The following TMEM106A variants were observed in gnomAD, a reference collection of about 807,000 sequenced individuals.
TMEM106A encodes the protein transmembrane protein 106A.
TMEM106A carries 22 observed loss-of-function variants against 25.1 expected under a neutral mutation model. The ratio of observed to expected loss-of-function variants is 0.88; its 90% confidence interval spans 0.63 to 1.25. TMEM106A has a LOEUF of 1.25. TMEM106A is among the 50% of genes most tolerant of loss of function. The probability of loss-of-function intolerance (pLI) is 0.00; values close to 1 mark genes in which losing one functional copy is unlikely to be tolerated. For synonymous variants in TMEM106A, 104 were observed against 129.9 expected, an observed-to-expected ratio of 0.80 and a Z score of 1.35; for missense variants, 275 against 318.1, an observed-to-expected ratio of 0.86 and a Z score of 1.03.
intron 5 of TMEM106A, 48 bp downstream of exon 5, chr17:43,215,989 G>T (rs150513793): frequency 5.0e-6 from 8 of 1,609,744 alleles, no homozygotes; most frequent in Non-Finnish European, 6.8e-6. Context: ...GCAATACTTC[G>T]CTGTAACCTT....
Position 43,213,896 on chromosome 17 carries a change from G to A in TMEM106A, c.275+5G>A, listed in dbSNP as rs1485705129. 1 of 1,614,086 alleles carries A rather than the reference G, an allele frequency of 6.2e-7. No individual in the cohort carries two copies. Among genetic ancestry groups the A allele is most frequent in the Non-Finnish European group, 8.5e-7 (1 of 1,179,962 alleles). On this transcript the variant is annotated splice_donor_5th_base_variant and intron_variant, in intron 4 of 8. Transcript: ENST00000612339. ...GAGGCTGAAGCCCAAGCACACGTAA[G>A]CCCCCCTTCCTCCCCTAGCTTCACA...
rs147809934 is a variant in TMEM106A at position 43,216,302 on chromosome 17, C to G, written c.430-147C>G. ...TGACCCCTCACCATTCAATGCCCCT[C>G]CAAGGGGCTCCCAGTTTTCATCCTC... On this transcript the variant is annotated intron_variant, in intron 5 of 8. Coordinates refer to ENST00000612339, the MANE Select transcript of TMEM106A (RefSeq NM_145041.4). 1,283 of 1,148,294 alleles carry G rather than the reference C, an allele frequency of 1.1e-3. 7 individuals are homozygous for G. The African/African-American group carries it at 0.016, about 14-fold the overall frequency. 71.1% of individuals were successfully genotyped at this position (1,148,294 alleles called of 1,614,324 possible).
chr17:43,217,941 C>G lies in TMEM106A; in HGVS notation c.*140C>G. ...ATCACACCCTTACCTCCCACCCCCTCAGCACAGGAAGCTTGCTTTGAAGTT... is the reference window on the plus strand; with the variant it reads ...ATCACACCCTTACCTCCCACCCCCTGAGCACAGGAAGCTTGCTTTGAAGTT... On this transcript the variant is annotated 3_prime_UTR_variant, in exon 9 of 9. Coordinates refer to ENST00000612339, the MANE Select transcript of TMEM106A (RefSeq NM_145041.4). The G allele has an allele frequency of 2.4e-6, 3 of 1,259,318 alleles. No individual in the cohort carries two copies. Among genetic ancestry groups the G allele is most frequent in the Non-Finnish European group, 3.3e-6 (3 of 901,230 alleles). 78.0% of individuals were successfully genotyped at this position (1,259,318 alleles called of 1,614,324 possible). A position where few individuals can be genotyped will look rare whatever the true frequency, so the allele number is the denominator to read the frequency against.
chr17:43,217,297 T>G lies in TMEM106A; in HGVS notation c.653T>G (p.Val218Gly), dbSNP rs2057495736. ...CTWLEIKVHHVLLHIQGTLTC... is the reference protein window; with the variant it reads ...CTWLEIKVHHGLLHIQGTLTC... ...TGGCTGGAAATCAAAGTCCACCATG[T>G]GCTTTTGCACATCCAGTAAGTAGAG... Residue 218 changes from valine (V) to glycine (G), a missense_variant, in exon 8 of 9, where the codon GTG becomes GGG. By Grantham distance (109) the Val-to-Gly change is moderately radical (BLOSUM62 -3). Coordinates refer to ENST00000612339, the MANE Select transcript of TMEM106A (RefSeq NM_145041.4). 6.2e-7 allele frequency: 1 copy of G among 1,614,270 alleles called. No homozygotes were observed. The highest frequency in any genetic ancestry group is 1.1e-5 in the South Asian group (1 of 91,092).
chr17:43,215,639 T>C lies in TMEM106A; in HGVS notation c.276-149T>C, dbSNP rs531750111. On this transcript the variant is annotated intron_variant, in intron 4 of 8. Coordinates refer to ENST00000612339, the MANE Select transcript of TMEM106A (RefSeq NM_145041.4). ...CTGCCAATCCTGTGCTCCTACTCAT[T>C]CCGGGCCACATCTGGGGAGCTAAAT... 9.7e-6 allele frequency: 8 copies of C among 825,360 alleles called. No individual in the cohort carries two copies. The South Asian group carries it at 1.3e-4, about 14-fold the overall frequency. The allele number at this position is 825,360 out of a possible 1,614,324, so 51.1% of individuals were successfully genotyped here. A position where few individuals can be genotyped will look rare whatever the true frequency, so the allele number is the denominator to read the frequency against.
chr17:43,218,714 TC>T lies in TMEM106A; in HGVS notation c.*915del, dbSNP rs1412955046. ...CCTCTGATAAGAAAATTTGGGGATA[TC>T]CAGTGCCATCTCCAAGGACTTTCAG... On this transcript the variant is annotated 3_prime_UTR_variant, in exon 9 of 9. Coordinates refer to ENST00000612339, the MANE Select transcript of TMEM106A (RefSeq NM_145041.4). 1 of 152,202 alleles carries T rather than the reference TC, an allele frequency of 6.6e-6. No homozygotes were observed. The highest frequency in any genetic ancestry group is 2.4e-5 in the African/African-American group (1 of 41,450). The allele number at this position is 152,202 out of a possible 1,614,324, so 9.4% of individuals were successfully genotyped here. A position where few individuals can be genotyped will look rare whatever the true frequency, so the allele number is the denominator to read the frequency against.
chr17:43,216,842 G>GC, intron 7 of TMEM106A, 102 bp downstream of exon 7: 2 of 1,493,782 alleles, frequency 1.3e-6, no homozygotes, highest in South Asian at 2.3e-5. Context: ...TCTTCAGCCA[G>GC]CATCTGGCCT....
At chr17:43,216,307 G>A (rs2057485462) in intron 5 of TMEM106A, 142 bp from the exon 6 acceptor site, 4 of 1,177,884 alleles carry the variant, frequency 3.4e-6, no homozygotes, top group Non-Finnish European at 3.6e-6. Flanking sequence ...CCCCTCCAAG[G>A]GGCTCCCAGT....
chr17:43,217,109 G>T (rs1308757512), intron 7 of TMEM106A, 150 bp from the exon 8 acceptor site: 4 of 792,304 alleles, frequency 5.0e-6, no homozygotes, highest in Non-Finnish European at 8.8e-6. Context: ...CACCTGAAGG[G>T]TGGGAAGGGG....
Position 43,218,860 on chromosome 17 carries a change from G to T in TMEM106A, c.*1059G>T, listed in dbSNP as rs2057510652. 1 of 152,170 alleles carries T rather than the reference G, an allele frequency of 6.6e-6. No homozygotes were observed. The highest frequency in any genetic ancestry group is 6.6e-5 in the Admixed American group (1 of 15,262). 9.4% of individuals were successfully genotyped at this position (152,170 alleles called of 1,614,324 possible). A position where few individuals can be genotyped will look rare whatever the true frequency, so the allele number is the denominator to read the frequency against. ...TAGTAAGATTAGCCAAGGCCCTTTA[G>T]CCCTCTGTCCTTTCTGGTTATTGAC... On this transcript the variant is annotated 3_prime_UTR_variant, in exon 9 of 9. Coordinates refer to ENST00000612339, the MANE Select transcript of TMEM106A (RefSeq NM_145041.4).
At chr17:43,214,842 C>A (rs1424068228) in intron 4 of TMEM106A, among the ~76,000 whole-genome samples, 1 of 151,822 alleles carries the variant, frequency 6.6e-6, no homozygotes, top group African/African-American at 2.4e-5. Context: ...CACCAGTAAT[C>A]CTAGCTACTT....
chr17:43,217,021 C>T (rs936038829), intron 7 of TMEM106A: 5 of 625,810 alleles, frequency 8.0e-6, no homozygotes, highest in Non-Finnish European at 1.1e-5. Context: ...TTTTGTCTGT[C>T]TCCTGAATGG....
intron 5 of TMEM106A, 193 bp downstream of exon 5, chr17:43,216,134 G>A: frequency 1.3e-6 from 1 of 744,108 alleles, no homozygotes. Context: ...TACACAGTAA[G>A]GGGTCAGAAT....
intron 4 of TMEM106A, 79 bp downstream of exon 4, chr17:43,213,970 C>T (rs1209455356): frequency 7.0e-7 from 1 of 1,434,776 alleles, no homozygotes; most frequent in African/African-American, 1.4e-5. Flanking sequence ...GTTTTGATCT[C>T]CCTTAATTTC....
At chr17:43,214,298 G>A (rs1301453614) in intron 4 of TMEM106A, among the ~76,000 whole-genome samples, 7 of 151,988 alleles carry the variant, frequency 4.6e-5, no homozygotes, top group African/African-American at 1.4e-4. Context: ...GCTTCCTTAA[G>A]CATCACTGCT....
chr17:43,213,759 G>A, intron 3 of TMEM106A, 69 bp from the exon 4 acceptor site: 1 of 1,517,524 alleles, frequency 6.6e-7, no homozygotes, highest in South Asian at 1.1e-5. Flanking sequence ...CGTGCTTCTG[G>A]GAAGCTGGCA....
chr17:43,219,491 C>G lies in TMEM106A; in HGVS notation c.*1690C>G, dbSNP rs1248828929. ...GTATATACCTGTAGTCCCAGCTACT[C>G]AGGAAGCTGAGGTGAGAGGATCTCT... On this transcript the variant is annotated 3_prime_UTR_variant, in exon 9 of 9. Transcript: ENST00000612339. 6.6e-6 allele frequency: 1 copy of G among 151,766 alleles called. No individual in the cohort carries two copies. Among genetic ancestry groups the G allele is most frequent in the African/African-American group, 2.4e-5 (1 of 41,274 alleles). The allele number at this position is 151,766 out of a possible 1,614,324, so 9.4% of individuals were successfully genotyped here. A position where few individuals can be genotyped will look rare whatever the true frequency, so the allele number is the denominator to read the frequency against.
chr17:43,214,070 A>G, intron 4 of TMEM106A, 179 bp downstream of exon 4: 1 of 629,240 alleles, frequency 1.6e-6, no homozygotes, highest in Non-Finnish European at 2.7e-6. Context: ...AAGCTCCTGG[A>G]CCGGGTGTGG....
rs1210352586 is a variant in TMEM106A, at chr17:43,217,700, T to C, written c.688T>C (p.Tyr230His). 6.2e-7 allele frequency: 1 copy of C among 1,614,058 alleles called. No individual in the cohort carries two copies. Among genetic ancestry groups the C allele is most frequent in the Non-Finnish European group, 8.5e-7 (1 of 1,180,036 alleles). Reference sequence around the variant, plus strand: ...CTCCAGGGGCACCCTGACCTGTTCATACCTGAGCCATTCAGAGCAGCTGGT... The same window carrying C: ...CTCCAGGGGCACCCTGACCTGTTCACACCTGAGCCATTCAGAGCAGCTGGT... ...LHIQGTLTCS[Y>H]LSHSEQLVFQ... Residue 230 changes from tyrosine (Y) to histidine (H), a missense_variant, in exon 9 of 9, where the codon TAC (tyrosine) becomes CAC (histidine). By Grantham distance (83) the Tyr-to-His change is moderately conservative. Coordinates refer to ENST00000612339, the MANE Select transcript of TMEM106A (RefSeq NM_145041.4).
Sources: gnomAD v4.1 joint callset for allele counts (sites outside exome capture counted in the v4.1 genomes callset) on GRCh38, gnomAD v4.1.1 for gene constraint, MANE v1.5 for transcripts, NCBI Gene and HGNC (gene_info 2026-07-23, HGNC 2026-07-21) for gene names.